Variants in SLC35F3 observed in about 807,000 individuals in gnomAD.
SLC35F3 encodes the protein solute carrier family 35 member F3, also known as putative thiamine transporter SLC35F3.
In SLC35F3, 25 loss-of-function variants were observed where a neutral mutation model predicts 49.9. That is an observed-to-expected ratio of 0.50 (90% confidence interval 0.37 to 0.70). The LOEUF (loss-of-function observed/expected upper bound fraction) is 0.70. SLC35F3 is among the 30% of genes least tolerant of loss of function. The probability of loss-of-function intolerance (pLI) is 0.00; values close to 1 mark genes in which losing one functional copy is unlikely to be tolerated. For synonymous variants in SLC35F3, 275 were observed against 265.4 expected (o/e 1.04, Z -0.35); for missense variants, 525 against 639.8 (o/e 0.82, Z 1.94).
intron 3 of SLC35F3, among the ~76,000 whole-genome samples, chr1:234,275,369 G>T (rs536931342): frequency 6.6e-6 from 1 of 151,848 alleles, no homozygotes; most frequent in African/African-American, 2.4e-5. Context: ...AAATACTTCT[G>T]GTCCCAAGCA....
At chr1:234,035,414 C>A (rs1188471051) in intron 2 of SLC35F3, among the ~76,000 whole-genome samples, 2 of 152,118 alleles carry the variant, frequency 1.3e-5, no homozygotes, top group African/African-American at 4.8e-5. Context: ...TCCCTGGAAG[C>A]AAGTAGTAGC....
chr1:233,954,693 C>T (rs376333329), intron 2 of SLC35F3, among the ~76,000 whole-genome samples: 1 of 152,168 alleles, frequency 6.6e-6, no homozygotes, highest in African/African-American at 2.4e-5. Context: ...CCTTTTCCCC[C>T]CTGCTGAGAT....
intron 3 of SLC35F3, among the ~76,000 whole-genome samples, chr1:234,284,188 A>T (rs1161833032): frequency 6.6e-6 from 1 of 152,172 alleles, no homozygotes; most frequent in Non-Finnish European, 1.5e-5. Context: ...TATAGACATG[A>T]GCTACGGTGC....
chr1:233,938,063 G>C (rs890970724), intron 2 of SLC35F3, among the ~76,000 whole-genome samples: 3 of 152,184 alleles, frequency 2.0e-5, no homozygotes, highest in African/African-American at 4.8e-5. Context: ...TGCCCCCATT[G>C]ATTAGTTGGG....
At chr1:234,252,077 A>C (rs1396752330) in intron 3 of SLC35F3, among the ~76,000 whole-genome samples, 2 of 151,598 alleles carry the variant, frequency 1.3e-5, no homozygotes, top group Non-Finnish European at 2.9e-5. Context: ...AAATTAAACT[A>C]CTTTTTTTTT....
chr1:234,231,830 T>G lies in SLC35F3; in HGVS notation c.608+89T>G. 7.7e-7 allele frequency: 1 copy of G among 1,300,502 alleles called. No individual in the cohort carries two copies. The highest frequency in any genetic ancestry group is 1.4e-5 in the South Asian group (1 of 71,840). 80.6% of individuals were successfully genotyped at this position (1,300,502 alleles called of 1,614,324 possible). ...CAGAGCTGCCCCTGGTGGCAGGCGC[T>G]GGGATGAGCCGGTGGGAGCCCGTGG... is the stretch of plus-strand genomic sequence containing the variant. On this transcript the variant is annotated intron_variant, in intron 3 of 7. Coordinates refer to ENST00000366618, the MANE Select transcript of SLC35F3 (RefSeq NM_173508.4). This position sits in a 1 kb window ranked among gnomAD's most constrained non-coding sequence, Gnocchi z 5.4.
At chr1:233,986,539 T>C (rs751857973) in intron 2 of SLC35F3, among the ~76,000 whole-genome samples, 3 of 152,236 alleles carry the variant, frequency 2.0e-5, no homozygotes, top group Non-Finnish European at 4.4e-5. Flanking sequence ...ATATATTATA[T>C]ACTATTATAG....
chr1:234,299,600 T>C (rs969828970), intron 3 of SLC35F3, among the ~76,000 whole-genome samples: 1 of 151,908 alleles, frequency 6.6e-6, no homozygotes, highest in Non-Finnish European at 1.5e-5. Context: ...GGTCAGGAGA[T>C]TGAGATCATC....
chr1:234,147,548 C>T (rs1458334772), intron 2 of SLC35F3, among the ~76,000 whole-genome samples: 2 of 152,098 alleles, frequency 1.3e-5, no homozygotes, highest in African/African-American at 4.8e-5. Context: ...GTGTACTCCT[C>T]AGTTATGAAG....
chr1:234,063,705 G>C (rs1664576657), intron 2 of SLC35F3, among the ~76,000 whole-genome samples: 1 of 152,132 alleles, frequency 6.6e-6, no homozygotes, highest in South Asian at 2.1e-4. Context: ...AAGGGCACTG[G>C]CTTTTGTTTA....
At chr1:234,152,431 T>G (rs1666090948) in intron 2 of SLC35F3, among the ~76,000 whole-genome samples, 1 of 152,072 alleles carries the variant, frequency 6.6e-6, no homozygotes, top group South Asian at 2.1e-4. Flanking sequence ...CCTGTGTCCA[T>G]GTGTTCTCAT....
At chr1:233,924,785 C>T (rs973304870) in intron 2 of SLC35F3, among the ~76,000 whole-genome samples, 1 of 152,114 alleles carries the variant, frequency 6.6e-6, no homozygotes, top group African/African-American at 2.4e-5. Flanking sequence ...TATAAATTTC[C>T]CTCTACACAC....
intron 2 of SLC35F3, among the ~76,000 whole-genome samples, chr1:234,004,938 C>A (rs1663607390): frequency 6.6e-6 from 1 of 151,960 alleles, no homozygotes; most frequent in Non-Finnish European, 1.5e-5. Flanking sequence ...ATTCATTAAT[C>A]ATAGAAGCAA....
intron 2 of SLC35F3, among the ~76,000 whole-genome samples, chr1:233,929,626 A>G (rs1418988201): frequency 6.6e-6 from 1 of 152,100 alleles, no homozygotes; most frequent in African/African-American, 2.4e-5. Flanking sequence ...TATGTGGTGG[A>G]TTGAGTGTTT....
chr1:233,973,718 A>G (rs35312509), intron 2 of SLC35F3, among the ~76,000 whole-genome samples: 35,012 of 152,176 alleles, frequency 0.23, 4,122 homozygotes, highest in East Asian at 0.37. Flanking sequence ...GGTGTGGAAA[A>G]AAAGCACAAA....
In SLC35F3 at chr1:234,318,842, C is replaced by T. The variant is rs1657552158; in HGVS notation, c.1046C>T (p.Thr349Ile). ...ILGVFNILFITCIPIILYFTK... is the reference protein window; with the variant it reads ...ILGVFNILFIICIPIILYFTK... ...GGTGTGTTTAACATCCTCTTCATCA[C>T]CTGCATTCCTATTATCCTCTACTTT... The change falls in exon 6 of 8, where the codon ACC (threonine) becomes ATC (isoleucine). Residue 349 changes from threonine (T) to isoleucine (I), a missense_variant. Physicochemically the swap from Thr to Ile is moderately conservative, Grantham distance 89. Coordinates refer to ENST00000366618, the MANE Select transcript of SLC35F3 (RefSeq NM_173508.4). 1.9e-6 allele frequency: 3 copies of T among 1,614,198 alleles called. No individual in the cohort carries two copies. The highest frequency in any genetic ancestry group is 8.5e-7 in the Non-Finnish European group (1 of 1,180,012).
chr1:234,260,325 C>T lies in SLC35F3; in HGVS notation c.608+28584C>T, dbSNP rs1031354046. Among the ~76,000 whole-genome samples, 6 of 152,246 alleles carry T rather than the reference C, an allele frequency of 3.9e-5. No individual in the cohort carries two copies. The East Asian group carries it at 1.2e-3, about 29-fold the overall frequency. ...CCCAAAAGCAAAAATATGCCCTTCT[C>T]TTCTACTTCATTATGTTCTCACTTA... On this transcript the variant is annotated intron_variant, in intron 3 of 7. Coordinates refer to ENST00000366618, the MANE Select transcript of SLC35F3 (RefSeq NM_173508.4).
chr1:234,232,968 G>T (rs1313946558), intron 3 of SLC35F3, among the ~76,000 whole-genome samples: 1 of 152,228 alleles, frequency 6.6e-6, no homozygotes, highest in African/African-American at 2.4e-5. Context: ...GGAGGAGGGG[G>T]CTCTGATGGA....
chr1:234,081,504 T>C (rs1664874972), intron 2 of SLC35F3, among the ~76,000 whole-genome samples: 1 of 152,096 alleles, frequency 6.6e-6, no homozygotes, highest in African/African-American at 2.4e-5. Context: ...GGGGATTGAG[T>C]GGGCAGCAGT....
Sources: allele counts gnomAD v4.1 joint callset (sites outside exome capture counted in the v4.1 genomes callset), GRCh38; gene constraint gnomAD v4.1.1; non-coding constraint Gnocchi (gnomAD v3.1); transcripts MANE v1.5; gene names NCBI Gene and HGNC (gene_info 2026-07-23, HGNC 2026-07-21).